The following BCCIP variants were observed in gnomAD, a reference collection of about 807,000 sequenced individuals.
BCCIP encodes BRCA2 and CDKN1A interacting protein.
In BCCIP, 23 loss-of-function variants were observed where a neutral mutation model predicts 32.8. The observed-to-expected ratio is 0.70, with a 90% CI of 0.51 to 0.99. The LOEUF (loss-of-function observed/expected upper bound fraction) is 0.99, where lower values mean the gene tolerates loss of function less well. Ranked by LOEUF, BCCIP falls within the 50% of genes least tolerant of loss-of-function variation. The probability of loss-of-function intolerance (pLI) is 0.00; values close to 1 mark genes in which losing one functional copy is unlikely to be tolerated. For synonymous variants in BCCIP, 144 were observed against 137.6 expected (o/e 1.05, Z -0.33); for missense variants, 378 against 379.8 (o/e 1.00, Z 0.04).
In BCCIP at chr10:125,836,227, A is replaced by G; in HGVS notation, c.898A>G (p.Lys300Glu). ...AACTGTGATGTTAATTCCAGGCGAC[A>G]AGATGAACGAAATCATGGATAAACT... Reference protein sequence around the residue: ...LRTVMLIPGDKMNEIMDKLKE... With the variant: ...LRTVMLIPGDEMNEIMDKLKE... Residue 300 changes from lysine to glutamate, a missense_variant, in exon 7 of 7, where the codon AAG (lysine) becomes GAG (glutamate). Coordinates refer to ENST00000278100, the MANE Select transcript of BCCIP (RefSeq NM_078468.3). 6 of 1,614,204 alleles carry G rather than the reference A, an allele frequency of 3.7e-6. No homozygotes were observed. Among genetic ancestry groups the G allele is most frequent in the Non-Finnish European group, 5.1e-6 (6 of 1,180,006 alleles).
At chr10:125,837,707 A>C (rs1390797635), downstream of BCCIP, among the ~76,000 whole-genome samples, 1 of 152,194 alleles carries the variant, frequency 6.6e-6, no homozygotes, top group Non-Finnish European at 1.5e-5. Flanking sequence ...GGCCAGCTAC[A>C]GTGATCCTTA....
chr10:125,841,157 G>A, downstream of BCCIP: 3 of 1,388,438 alleles, frequency 2.2e-6, no homozygotes, highest in Non-Finnish European at 3.0e-6. Context: ...CAGAAATTTA[G>A]AGTGAGTCAT....
chr10:125,825,050 T>G (rs1158508743), intron 1 of BCCIP, among the ~76,000 whole-genome samples: 1 of 152,284 alleles, frequency 6.6e-6, no homozygotes, highest in Non-Finnish European at 1.5e-5. Context: ...GAATGCCATC[T>G]CACCATTTTT....
chr10:125,826,808 T>C, intron 2 of BCCIP, 143 bp downstream of exon 2: 1 of 1,400,280 alleles, frequency 7.1e-7, no homozygotes, highest in Non-Finnish European at 9.3e-7. Flanking sequence ...GAGACCAGCC[T>C]GGGCAACATA....
chr10:125,826,104 T>C (rs1237758088), intron 1 of BCCIP: 1 of 154,864 alleles, frequency 6.5e-6, no homozygotes, highest in East Asian at 1.9e-4. Flanking sequence ...TACATTTATT[T>C]CTATGAATAT....
chr10:125,849,293 A>G (rs2134039580), intron 7 of BCCIP, among the ~76,000 whole-genome samples: 1 of 152,342 alleles, frequency 6.6e-6, no homozygotes, highest in South Asian at 2.1e-4. Flanking sequence ...ATGATAAGCC[A>G]TATAGTTCCC....
intron 7 of BCCIP, chr10:125,852,415 G>A: frequency 6.2e-7 from 1 of 1,614,178 alleles, no homozygotes; most frequent in South Asian, 1.1e-5. Context: ...CATGTCTTTG[G>A]AGGCAAATTC....
rs1188977469 is a variant in BCCIP at position 125,823,636 on chromosome 10, G to A, written c.79G>A (p.Glu27Lys). 2 of 1,614,172 alleles carry A rather than the reference G, an allele frequency of 1.2e-6. No individual in the cohort carries two copies. Among genetic ancestry groups the A allele is most frequent in the East Asian group, 4.5e-5 (2 of 44,862 alleles). ...PPDPPVQRDE[E>K]EEKEVENEDE... ...GGATCCCCCAGTCCAGCGCGACGAG[G>A]AAGAGGAAAAAGAAGTCGAAAATGA... is the stretch of plus-strand genomic sequence containing the variant. Residue 27 changes from glutamate to lysine, a missense_variant, in exon 1 of 7, where the codon GAA (glutamate) becomes AAA (lysine). By Grantham distance (56) the Glu-to-Lys change is moderately conservative. Transcript: ENST00000278100.
At chr10:125,842,094 A>G (rs946646899) in exon 7 of BCCIP, 7 of 992,162 alleles carry the variant, frequency 7.1e-6, no homozygotes, top group Non-Finnish European at 6.9e-6. Flanking sequence ...AAGGATAGTG[A>G]TTCTTGAGAG....
intron 1 of BCCIP, among the ~76,000 whole-genome samples, chr10:125,824,253 C>T (rs1034631517): frequency 6.6e-6 from 1 of 152,200 alleles, no homozygotes; most frequent in African/African-American, 2.4e-5. Flanking sequence ...CTGACCAAGT[C>T]GTGGGTAAAT....
At chr10:125,843,284 A>T (rs1014663658), downstream of BCCIP, among the ~76,000 whole-genome samples, 2 of 151,924 alleles carry the variant, frequency 1.3e-5, no homozygotes, top group East Asian at 3.9e-4. Context: ...TATGGTAAAA[A>T]TTTTCTTATG....
Position 125,823,611 on chromosome 10 carries a change from G to T in BCCIP, c.54G>T (p.Pro18=), listed in dbSNP as rs749903009. ...RAVESGVPQP[P]DPPVQRDEEE... is the part of the protein sequence containing the mutation. The stretch of plus-strand genomic sequence containing the variant: ...TGGAAAGTGGGGTTCCGCAGCCGCC[G>T]GATCCCCCAGTCCAGCGCGACGAGG... The change falls in exon 1 of 7, where the codon CCG becomes CCT. Residue 18 remains proline (P), a synonymous_variant. Coordinates refer to ENST00000278100, the MANE Select transcript of BCCIP (RefSeq NM_078468.3). The T allele has an allele frequency of 6.2e-7, 1 of 1,614,114 alleles. No homozygotes were observed. The highest frequency in any genetic ancestry group is 1.7e-5 in the Admixed American group (1 of 60,020).
At chr10:125,842,824 ATTTCT>A (rs1436966564), downstream of BCCIP, 8 of 938,308 alleles carry the variant, frequency 8.5e-6, no homozygotes, top group South Asian at 1.5e-4. Context: ...CCATCTCTTT[ATTTCT>A]TTTAAGTTTA....
At chr10:125,840,502 C>T (rs748141869), downstream of BCCIP, among the ~76,000 whole-genome samples, 1 of 152,240 alleles carries the variant, frequency 6.6e-6, no homozygotes, top group Non-Finnish European at 1.5e-5. Context: ...ACAGTGGGCA[C>T]GTAGAGGTGG....
intron 2 of BCCIP, 131 bp downstream of exon 2, chr10:125,826,796 T>C: frequency 7.0e-7 from 1 of 1,426,374 alleles, no homozygotes; most frequent in South Asian, 1.4e-5. Context: ...GCCCAGGAGT[T>C]TGAGACCAGC....
chr10:125,830,171 A>G (rs1473374203), intron 3 of BCCIP, among the ~76,000 whole-genome samples: 2 of 152,244 alleles, frequency 1.3e-5, no homozygotes, highest in African/African-American at 2.4e-5. Context: ...GCTTGGCTCC[A>G]GCCTAATTGT....
chr10:125,826,765 C>T (rs1854398898), intron 2 of BCCIP, 100 bp downstream of exon 2: 47 of 1,501,942 alleles, frequency 3.1e-5, no homozygotes, highest in Non-Finnish European at 4.0e-5. Flanking sequence ...TTTGGAAGGC[C>T]GAGGTGAGAG....
At chr10:125,835,961 T>C in intron 6 of BCCIP, 143 bp from the exon 7 acceptor site, 2 of 732,936 alleles carry the variant, frequency 2.7e-6, no homozygotes, top group South Asian at 4.0e-5. Context: ...CCATTTGAAC[T>C]TTTTCAATTC....
downstream of BCCIP, chr10:125,838,211 A>T (rs754476166): frequency 6.2e-7 from 1 of 1,602,174 alleles, no homozygotes; most frequent in Admixed American, 1.8e-5. Flanking sequence ...CTTACAGTTC[A>T]GGAGAGATTT....
Sources: allele counts gnomAD v4.1 joint callset (sites outside exome capture counted in the v4.1 genomes callset), GRCh38; gene constraint gnomAD v4.1.1; transcripts MANE v1.5; gene names NCBI Gene and HGNC (gene_info 2026-07-23, HGNC 2026-07-21).